PIK3CB: variants seen among roughly 807,000 people sequenced by gnomAD.
The protein encoded by PIK3CB is phosphatidylinositol 4,5-bisphosphate 3-kinase catalytic subunit beta isoform.
In PIK3CB, 39 loss-of-function variants were observed where a neutral mutation model predicts 136.8. The ratio of observed to expected loss-of-function variants is 0.29; its 90% CI spans 0.22 to 0.37. The LOEUF (loss-of-function observed/expected upper bound fraction) is 0.37. Among genes scored for constraint, PIK3CB ranks in the 10% least tolerant of loss-of-function variants. PIK3CB has a pLI of 1.00. For synonymous variants in PIK3CB, 428 were observed against 436.6 expected (o/e 0.98, Z 0.25); for missense variants, 868 against 1,275.4 (o/e 0.68, Z 4.87).
rs964582145 is a variant in PIK3CB at position 138,831,808 on chromosome 3, C to G, written c.-122+2887G>C. ...GGCATGGTGGTGTGCACCTGTAGTCCCAACTAATTTGGAGGCTGAGGCAGG... is the reference window on the plus strand; with the variant it reads ...GGCATGGTGGTGTGCACCTGTAGTCGCAACTAATTTGGAGGCTGAGGCAGG... On this transcript the variant is annotated intron_variant, in intron 1 of 23. Coordinates refer to ENST00000674063, the MANE Select transcript of PIK3CB (RefSeq NM_006219.3). Among the ~76,000 whole-genome samples the G allele has an allele frequency of 6.6e-5, 10 of 151,976 alleles. No homozygotes were observed. The East Asian group carries it at 1.9e-3, about 29-fold the overall frequency.
intron 12 of PIK3CB, among the ~76,000 whole-genome samples, chr3:138,700,660 C>T (rs1298387435): frequency 7.2e-5 from 11 of 151,738 alleles, no homozygotes; most frequent in Admixed American, 7.2e-4. Flanking sequence ...TGCACTCCAG[C>T]CCGGGCAACA....
chr3:138,787,162 T>C (rs1559878380), intron 2 of PIK3CB, among the ~76,000 whole-genome samples: 1 of 151,898 alleles, frequency 6.6e-6, no homozygotes, highest in Non-Finnish European at 1.5e-5. Flanking sequence ...GGAAGGCAAG[T>C]TTAAACTATA....
chr3:138,697,861 T>C (rs1051404881), intron 13 of PIK3CB, among the ~76,000 whole-genome samples: 1 of 152,084 alleles, frequency 6.6e-6, no homozygotes, highest in Non-Finnish European at 1.5e-5. Context: ...GCCACTCAAG[T>C]AGCTAGGACT....
At chr3:138,773,167 G>C (rs1465262950) in intron 2 of PIK3CB, among the ~76,000 whole-genome samples, 3 of 152,016 alleles carry the variant, frequency 2.0e-5, no homozygotes. Flanking sequence ...TTGGGAGGCT[G>C]AGGTGGGCGA....
chr3:138,663,003 G>A (rs1002894765), intron 21 of PIK3CB, among the ~76,000 whole-genome samples: 1 of 152,088 alleles, frequency 6.6e-6, no homozygotes, highest in Non-Finnish European at 1.5e-5. Flanking sequence ...GCATGGGCAA[G>A]GACTTCATGT....
chr3:138,744,679 AG>A (rs1315098597), intron 4 of PIK3CB, among the ~76,000 whole-genome samples: 21 of 152,264 alleles, frequency 1.4e-4, no homozygotes, highest in African/African-American at 4.8e-4. Context: ...TGTTTGCTTT[AG>A]TTTCAGTGCT....
At chr3:138,833,565 C>T (rs568770463) in intron 1 of PIK3CB, among the ~76,000 whole-genome samples, 4 of 152,214 alleles carry the variant, frequency 2.6e-5, no homozygotes, top group Admixed American at 2.6e-4. Flanking sequence ...AATTTTATTA[C>T]GAATCATATC....
At chr3:138,821,756 G>C (rs1384685846) in intron 1 of PIK3CB, among the ~76,000 whole-genome samples, 1 of 151,984 alleles carries the variant, frequency 6.6e-6, no homozygotes, top group African/African-American at 2.4e-5. Flanking sequence ...CTGCACTCCA[G>C]GTTGGGCAAC....
chr3:138,656,129 A>G lies in PIK3CB; in HGVS notation c.3075+13T>C. 2 of 1,613,486 alleles carry G rather than the reference A, an allele frequency of 1.2e-6. No individual in the cohort carries two copies. Among genetic ancestry groups the G allele is most frequent in the South Asian group, 2.2e-5 (2 of 90,958 alleles). On this transcript the variant is annotated intron_variant, in intron 23 of 23. Transcript: ENST00000674063. ...CCACAAAGTCCAAGAGAGAAGGAAA[A>G]GTGGTTTTATACCTTAAGATACTGT...
chr3:138,815,766 C>T (rs1933297551), intron 1 of PIK3CB, among the ~76,000 whole-genome samples: 1 of 152,160 alleles, frequency 6.6e-6, no homozygotes, highest in Non-Finnish European at 1.5e-5. Flanking sequence ...AAATACTACA[C>T]CATTTTATCT....
chr3:138,698,026 C>T (rs1331000292), intron 13 of PIK3CB, among the ~76,000 whole-genome samples: 5 of 152,172 alleles, frequency 3.3e-5, no homozygotes, highest in Non-Finnish European at 7.4e-5. Flanking sequence ...TGCTACCATG[C>T]CTGGCTCCAA....
chr3:138,826,391 T>C (rs1257023013), intron 1 of PIK3CB: 5 of 1,471,596 alleles, frequency 3.4e-6, no homozygotes, highest in African/African-American at 2.8e-5. Flanking sequence ...GCCTCAGAAA[T>C]GTTTGTTTCA....
rs35232938 is a variant in PIK3CB at position 138,801,861 on chromosome 3, C to CAAAA, written c.-121-5298_-121-5295dup. ...CTGGTGACAGAGCAAGACTCCATCTCAAAAAAAAAAAAAAAAAAAAAGATA... is the reference window on the plus strand; with the variant it reads ...CTGGTGACAGAGCAAGACTCCATCTCAAAAAAAAAAAAAAAAAAAAAAAAAGATA... On this transcript the variant is annotated intron_variant, in intron 1 of 23. Coordinates refer to ENST00000674063, the MANE Select transcript of PIK3CB (RefSeq NM_006219.3). 4.5e-4 allele frequency among the ~76,000 whole-genome samples: 26 copies of CAAAA among 57,372 alleles called. 1 individual carries two copies. The highest frequency in any genetic ancestry group is 1.7e-3 in the African/African-American group (22 of 12,644). The allele number at this position is 57,372 out of a possible 152,430, so 37.6% of individuals were successfully genotyped here.
At chr3:138,732,422 T>C (rs1270920304) in intron 8 of PIK3CB, among the ~76,000 whole-genome samples, 1 of 152,104 alleles carries the variant, frequency 6.6e-6, no homozygotes, top group African/African-American at 2.4e-5. Flanking sequence ...AAGCAAGACA[T>C]TGGTAATTTT....
At chr3:138,779,580 G>T (rs931228799) in intron 2 of PIK3CB, among the ~76,000 whole-genome samples, 5 of 150,684 alleles carry the variant, frequency 3.3e-5, no homozygotes, top group African/African-American at 1.2e-4. Flanking sequence ...TTTGGTAGAC[G>T]TGGGGTTTTG....
At position 138,672,933 on chromosome 3, in the gene PIK3CB, G is replaced by C. The variant is rs552059122; in HGVS notation, c.2505-7730C>G. Among the ~76,000 whole-genome samples the C allele has an allele frequency of 1.6e-4, 23 of 145,502 alleles. No homozygotes were observed. The East Asian group carries it at 4.6e-3, about 29-fold the overall frequency. ...TTGAAAAAAAAAAAAAAAAAAAAGAGAGAGAGAGAAAGAGATGAAAAAGAA... is the reference window on the plus strand; with the variant it reads ...TTGAAAAAAAAAAAAAAAAAAAAGACAGAGAGAGAAAGAGATGAAAAAGAA... On this transcript the variant is annotated intron_variant, in intron 19 of 23. Transcript: ENST00000674063.
At chr3:138,825,294 G>A (rs932826404) in intron 1 of PIK3CB, 1 of 481,638 alleles carries the variant, frequency 2.1e-6, no homozygotes, top group Non-Finnish European at 3.8e-6. Flanking sequence ...TCTGATTGTT[G>A]CTGCTGGTGT....
intron 2 of PIK3CB, among the ~76,000 whole-genome samples, chr3:138,762,812 T>C (rs1328291932): frequency 2.0e-5 from 3 of 151,376 alleles, no homozygotes; most frequent in African/African-American, 7.3e-5. Flanking sequence ...ACAAAAAAAT[T>C]AGCCAGGCAT....
intron 13 of PIK3CB, among the ~76,000 whole-genome samples, chr3:138,698,653 T>C (rs1186553697): frequency 6.6e-6 from 1 of 152,188 alleles, no homozygotes; most frequent in Non-Finnish European, 1.5e-5. Context: ...GTACTTTTGA[T>C]AGATAATTGT....
Sources: allele counts gnomAD v4.1 joint callset (sites outside exome capture counted in the v4.1 genomes callset), GRCh38; gene constraint gnomAD v4.1.1; transcripts MANE v1.5; gene names NCBI Gene and HGNC (gene_info 2026-07-23, HGNC 2026-07-21).